Variants in OSGEP observed in about 807,000 individuals in gnomAD.
OSGEP encodes the protein tRNA N6-adenosine threonylcarbamoyltransferase.
Under a neutral mutation model 44.1 loss-of-function variants are expected in OSGEP, and 39 were observed. The observed-to-expected ratio is 0.88, with a 90% confidence interval of 0.69 to 1.16. The LOEUF is 1.16. OSGEP is among the 50% of genes most tolerant of loss of function. The pLI, the probability that OSGEP is intolerant of heterozygous loss-of-function variation, is 0.00. For missense variants in OSGEP, 403 were observed against 443.1 expected (o/e 0.91, Z 0.81); for synonymous variants, 139 against 161.9 (o/e 0.86, Z 1.07).
Position 20,447,286 on chromosome 14 carries a change from A to G in OSGEP, c.969-7T>C. 4.3e-6 allele frequency: 7 copies of G among 1,614,152 alleles called. No homozygotes were observed. Among genetic ancestry groups the G allele is most frequent in the Non-Finnish European group, 5.9e-6 (7 of 1,179,972 alleles). ...TACTTCATCTGTCCGATACCTGTGGAAAAACAGAAGAAACATGGTGGAGAG... is the reference window on the plus strand; with the variant it reads ...TACTTCATCTGTCCGATACCTGTGGGAAAACAGAAGAAACATGGTGGAGAG... On this transcript the variant is annotated splice_polypyrimidine_tract_variant and splice_region_variant and intron_variant, in intron 10 of 10. Transcript: ENST00000206542.
Position 20,454,572 on chromosome 14 carries a change from T to C in OSGEP, c.112A>G (p.Thr38Ala). 6.2e-7 allele frequency: 1 copy of C among 1,610,386 alleles called. No homozygotes were observed. The highest frequency in any genetic ancestry group is 1.1e-5 in the South Asian group (1 of 90,996). ...CTTAAGTCCCCTACTCACCAACCTGTGCCAGGAGGCGTGACGTAAGTCCGC... is the reference window on the plus strand; with the variant it reads ...CTTAAGTCCCCTACTCACCAACCTGCGCCAGGAGGCGTGACGTAAGTCCGC... ...PRRTYVTPPG[T>A]GFLPGDTARH... The change falls in exon 1 of 11, where the codon ACA becomes GCA. Residue 38 changes from threonine (T) to alanine (A), a missense_variant. Physicochemically the swap from Thr to Ala is moderately conservative, Grantham distance 58. Coordinates refer to ENST00000206542, the MANE Select transcript of OSGEP (RefSeq NM_017807.4).
intron 3 of OSGEP, chr14:20,450,190 CCCA>C (rs1350849445): frequency 6.6e-6 from 1 of 152,148 alleles, no homozygotes; most frequent in Non-Finnish European, 1.5e-5. Context: ...ATTACAGGCA[CCCA>C]CCACCACTTT....
rs767010206 is a variant in OSGEP, at chr14:20,448,801, G to A, written c.568C>T (p.Leu190=). 1 of 1,612,236 alleles carries A rather than the reference G, an allele frequency of 6.2e-7. No individual in the cohort carries two copies. The highest frequency in any genetic ancestry group is 1.7e-5 in the Admixed American group (1 of 60,022). ...TTTACAGTGTATGGCAGCTCAACTAGCTTCTTGCCTCTATGTGGGAATAAG... is the reference window on the plus strand; with the variant it reads ...TTTACAGTGTATGGCAGCTCAACTAACTTCTTGCCTCTATGTGGGAATAAG... ...IEQMAKRGKK[L]VELPYTVKGM... The change falls in exon 6 of 11, where the codon CTA becomes TTA. Residue 190 remains leucine (L), a synonymous_variant. Coordinates refer to ENST00000206542, the MANE Select transcript of OSGEP (RefSeq NM_017807.4).
chr14:20,452,006 T>C lies in OSGEP; in HGVS notation c.379A>G (p.Thr127Ala), dbSNP rs745620933. ...TTTCCTCCACTCACATACAACACGG[T>C]TGGGCTGGTGGCTCCAGTGATGAGG... The part of the protein sequence containing the change: ...GRLITGATSP[T>A]VLYVSGGNTQ... Residue 127 changes from threonine to alanine, a missense_variant, in exon 3 of 11, where the codon ACC becomes GCC. Thr to Ala is a moderately conservative substitution (Grantham distance 58). Coordinates refer to ENST00000206542, the MANE Select transcript of OSGEP (RefSeq NM_017807.4). 2.5e-6 allele frequency: 4 copies of C among 1,612,302 alleles called. No homozygotes were observed. Among genetic ancestry groups the C allele is most frequent in the East Asian group, 4.5e-5 (2 of 44,866 alleles).
chr14:20,447,352 C>T (rs1008295713), intron 10 of OSGEP, 70 bp downstream of exon 10: 2 of 1,602,034 alleles, frequency 1.2e-6, no homozygotes, highest in East Asian at 2.2e-5. Flanking sequence ...CCCTCATGTT[C>T]CTGGACTCTT....
chr14:20,449,505 A>T, intron 3 of OSGEP: 1 of 483,578 alleles, frequency 2.1e-6, no homozygotes, highest in South Asian at 2.5e-5. Flanking sequence ...GCAGAAATAA[A>T]TTGTCATTTC....
rs1881020931 is a variant in OSGEP, at chr14:20,448,672, A to T, written c.636+61T>A. 4.2e-6 allele frequency: 5 copies of T among 1,184,718 alleles called. No homozygotes were observed. In the South Asian group the frequency reaches 6.1e-5, roughly 14 times the overall value. The allele number at this position is 1,184,718 out of a possible 1,614,324, so 73.4% of individuals were successfully genotyped here. Reference sequence around the variant, plus strand: ...GCTATACGAAATATAATCGTAAGTAAAACAGATATGCTTCATTTAAAAAGC... The same window carrying T: ...GCTATACGAAATATAATCGTAAGTATAACAGATATGCTTCATTTAAAAAGC... On this transcript the variant is annotated intron_variant, in intron 6 of 10. Coordinates refer to ENST00000206542, the MANE Select transcript of OSGEP (RefSeq NM_017807.4).
chr14:20,448,704 G>A lies in OSGEP; in HGVS notation c.636+29C>T, dbSNP rs370221104. 8.1e-6 allele frequency: 12 copies of A among 1,487,314 alleles called. No homozygotes were observed. The African/African-American group carries it at 1.5e-4, about 19-fold the overall frequency. 92.1% of individuals were successfully genotyped at this position (1,487,314 alleles called of 1,614,324 possible). On this transcript the variant is annotated intron_variant, in intron 6 of 10. Coordinates refer to ENST00000206542, the MANE Select transcript of OSGEP (RefSeq NM_017807.4). ...TATGCTTCATTTAAAAAGCATGAAA[G>A]TGCCCGTCTCATCACCTCTCACACT...
chr14:20,452,550 CCT>C, intron 1 of OSGEP, 102 bp from the exon 2 acceptor site: 1 of 1,099,158 alleles, frequency 9.1e-7, no homozygotes, highest in Non-Finnish European at 1.3e-6. Flanking sequence ...TAGTAAGAGT[CCT>C]TTCACTTTCC....
chr14:20,453,528 A>G (rs1881164494), intron 1 of OSGEP, among the ~76,000 whole-genome samples: 1 of 151,972 alleles, frequency 6.6e-6, no homozygotes, highest in Non-Finnish European at 1.5e-5. Flanking sequence ...CACCACGCCC[A>G]GTTAATTTTT....
intron 3 of OSGEP, chr14:20,450,620 C>T (rs1881069285): frequency 6.6e-6 from 1 of 152,248 alleles, no homozygotes; most frequent in African/African-American, 2.4e-5. Flanking sequence ...AACTACTTGC[C>T]CTCTACCTGC....
At position 20,454,791 on chromosome 14, in the gene OSGEP, T is replaced by G; in HGVS notation, c.-108A>C. ...CAGCTTTCCGGAGCGCAGAGGAAGC[T>G]GGCCAGCCTGCAGATAGCACTGGGA... On this transcript the variant is annotated 5_prime_UTR_variant, in exon 1 of 11. Transcript: ENST00000206542. 2 of 778,446 alleles carry G rather than the reference T, an allele frequency of 2.6e-6. No homozygotes were observed. The highest frequency in any genetic ancestry group is 4.2e-6 in the Non-Finnish European group (2 of 472,250). 48.2% of individuals were successfully genotyped at this position (778,446 alleles called of 1,614,324 possible). A position where few individuals can be genotyped will look rare whatever the true frequency, so the allele number is the denominator to read the frequency against.
At position 20,452,076 on chromosome 14, in the gene OSGEP, T is replaced by C. The variant is rs755783023; in HGVS notation, c.309A>G (p.Pro103=). 1.2e-6 allele frequency: 2 copies of C among 1,613,920 alleles called. No homozygotes were observed. The highest frequency in any genetic ancestry group is 1.7e-6 in the Non-Finnish European group (2 of 1,179,988). The change falls in exon 3 of 11, where the codon CCA becomes CCG. Residue 103 remains proline, a synonymous_variant. Transcript: ENST00000206542. ...ARTVAQLWNK[P]LVGVNHCIGH... The stretch of plus-strand genomic sequence containing the variant: ...CTATACAGTGGTTCACACCCACCAA[T>C]GGCTTATTCCACAGTTGGGCCACAG...
At position 20,448,812 on chromosome 14, in the gene OSGEP, CTA is replaced by C. The variant is rs747659516; in HGVS notation, c.558-3_558-2del. ...TGGCAGCTCAACTAGCTTCTTGCCT[CTA>C]TGTGGGAATAAGCGTACGAGGCACT... On this transcript the variant is annotated splice_acceptor_variant and splice_polypyrimidine_tract_variant and intron_variant, in intron 5 of 10. Transcript: ENST00000206542. LOFTEE classifies it high-confidence loss of function. 6.2e-7 allele frequency: 1 copy of C among 1,611,544 alleles called. No homozygotes were observed. Among genetic ancestry groups the C allele is most frequent in the South Asian group, 1.1e-5 (1 of 91,036 alleles).
intron 3 of OSGEP, chr14:20,449,585 C>T (rs883037): frequency 0.59 from 165,327 of 279,938 alleles, 49,477 homozygotes; most frequent in Middle Eastern, 0.65. Context: ...AGTAGGTAAC[C>T]GGCTTTTCTG....
Position 20,448,993 on chromosome 14 carries a change from T to A in OSGEP, c.528A>T (p.Pro176=). 1 of 1,614,112 alleles carries A rather than the reference T, an allele frequency of 6.2e-7. No homozygotes were observed. Residue 176 remains proline, a synonymous_variant, in exon 5 of 11, where the codon CCA becomes CCT. Transcript: ENST00000206542. ...RVLKISNDPS[P]GYNIEQMAKR... Reference sequence around the variant, plus strand: ...TTGCCATCTGTTCAATGTTGTATCCTGGACTTGGGTCGTTAGAAATCTAGC... The same window carrying A: ...TTGCCATCTGTTCAATGTTGTATCCAGGACTTGGGTCGTTAGAAATCTAGC...
In OSGEP at chr14:20,454,696, GAGAAAACGCCGACAGGAC is replaced by G; in HGVS notation, c.-31_-14del. The G allele has an allele frequency of 6.3e-7, 1 of 1,595,500 alleles. No individual in the cohort carries two copies. The highest frequency in any genetic ancestry group is 8.6e-7 in the Non-Finnish European group (1 of 1,164,016). On this transcript the variant is annotated 5_prime_UTR_variant, in exon 1 of 11. Coordinates refer to ENST00000206542, the MANE Select transcript of OSGEP (RefSeq NM_017807.4). The stretch of plus-strand genomic sequence containing the variant: ...GCACCGCCGGCATGGCGGAGGCTGG[GAGAAAACGCCGACAGGAC>G]TCCTGGCAATGTCAGGAGCTGTGGA...
intron 1 of OSGEP, among the ~76,000 whole-genome samples, chr14:20,453,138 G>A (rs1881147693): frequency 6.6e-6 from 1 of 152,104 alleles, no homozygotes; most frequent in Non-Finnish European, 1.5e-5. Context: ...TCAAAGCATT[G>A]AGTATTTTAT....
In OSGEP at chr14:20,448,760, T is replaced by C; in HGVS notation, c.609A>G (p.Ser203=). The stretch of plus-strand genomic sequence containing the variant: ...CAATGAAAGACAGGATCCCTGAGAA[T>C]GAGACGTCCATCCCCTTTACAGTGT... ...LPYTVKGMDV[S]FSGILSFIED... Residue 203 remains serine, a synonymous_variant, in exon 6 of 11, where the codon TCA becomes TCG. Transcript: ENST00000206542. 4 of 1,613,390 alleles carry C rather than the reference T, an allele frequency of 2.5e-6. No homozygotes were observed. Among genetic ancestry groups the C allele is most frequent in the Non-Finnish European group, 3.4e-6 (4 of 1,179,288 alleles).
Sources: allele counts gnomAD v4.1 joint callset (sites outside exome capture counted in the v4.1 genomes callset), GRCh38; gene constraint gnomAD v4.1.1; transcripts MANE v1.5; gene names NCBI Gene and HGNC (gene_info 2026-07-23, HGNC 2026-07-21).